DCAF8L2: variants seen among roughly 807,000 people sequenced by gnomAD.
DCAF8L2 encodes DDB1- and CUL4-associated factor 8-like protein 2.
For missense variants in DCAF8L2, 430 were observed against 490.7 expected (o/e 0.88, Z 1.17); for synonymous variants, 200 against 190.9 (o/e 1.05, Z -0.39).
intron 1 of DCAF8L2, among the ~76,000 whole-genome samples, chrX:27,615,015 G>A (rs1189215723): frequency 9.0e-6 from 1 of 111,372 alleles, no homozygotes; most frequent in East Asian, 2.8e-4. Flanking sequence ...TCTGTAGCAA[G>A]TCTAAGTTAT....
chrX:27,673,365 G>T (rs769128201), intron 2 of DCAF8L2, among the ~76,000 whole-genome samples: 1 of 107,463 alleles, frequency 9.3e-6, no homozygotes, highest in Non-Finnish European at 1.9e-5. Flanking sequence ...AAAATTAGCC[G>T]GGCGTGGTGG....
chrX:27,651,240 A>G (rs908289270), intron 2 of DCAF8L2, among the ~76,000 whole-genome samples: 2 of 111,101 alleles, frequency 1.8e-5, no homozygotes, highest in Non-Finnish European at 3.8e-5. Flanking sequence ...CATCAGGGCT[A>G]TTGGCCTGTA....
chrX:27,584,528 G>A, the DCAF8L2 span, among the ~76,000 whole-genome samples: 4 of 109,354 alleles, frequency 3.7e-5, no homozygotes, highest in African/African-American at 1.3e-4. Context: ...TATCTCATAT[G>A]CCTCTCCAAT....
chrX:27,504,960 G>A, the DCAF8L2 span, among the ~76,000 whole-genome samples: 1 of 110,963 alleles, frequency 9.0e-6, no homozygotes, highest in African/African-American at 3.3e-5. Flanking sequence ...ATGATTTTTA[G>A]CATCTTTGTT....
chrX:27,711,951 T>A (rs1008560942), intron 3 of DCAF8L2, among the ~76,000 whole-genome samples: 4 of 111,467 alleles, frequency 3.6e-5, no homozygotes, highest in African/African-American at 1.3e-4. Flanking sequence ...AAGGGACTTC[T>A]CTGTTCATCT....
At chrX:27,538,782 A>G in the DCAF8L2 span, among the ~76,000 whole-genome samples, 1 of 111,571 alleles carries the variant, frequency 9.0e-6, no homozygotes, top group African/African-American at 3.3e-5. Context: ...TGATAAAAGT[A>G]CTTTCTCAAT....
the DCAF8L2 span, among the ~76,000 whole-genome samples, chrX:27,528,020 ATT>A: frequency 7.3e-4 from 30 of 41,084 alleles, no homozygotes; most frequent in Admixed American, 1.3e-3. Context: ...AATTTAATTA[ATT>A]ATTAAATTAA....
intron 2 of DCAF8L2, among the ~76,000 whole-genome samples, chrX:27,657,882 T>C (rs6630535): frequency 0.18 from 19,776 of 111,536 alleles, 1,404 homozygotes; most frequent in East Asian, 0.42. Flanking sequence ...CCCCCGGATG[T>C]AGTTTTGTAA....
At chrX:27,588,364 T>C (rs1002237928), upstream of DCAF8L2, among the ~76,000 whole-genome samples, 1 of 111,093 alleles carries the variant, frequency 9.0e-6, no homozygotes, top group African/African-American at 3.3e-5. Flanking sequence ...TATTTCATGG[T>C]GTGTACGTAC....
the DCAF8L2 span, among the ~76,000 whole-genome samples, chrX:27,521,318 T>C: frequency 8.9e-6 from 1 of 112,359 alleles, no homozygotes; most frequent in Non-Finnish European, 1.9e-5. Flanking sequence ...AAAACTCTTC[T>C]GTGTCTGTTA....
At chrX:27,640,041 C>A (rs964939236) in intron 2 of DCAF8L2, among the ~76,000 whole-genome samples, 1 of 111,741 alleles carries the variant, frequency 8.9e-6, no homozygotes, top group Non-Finnish European at 1.9e-5. Context: ...CACCCATTAA[C>A]TGGTCATTTA....
intron 1 of DCAF8L2, among the ~76,000 whole-genome samples, chrX:27,599,435 A>G (rs1926532782): frequency 1.8e-5 from 2 of 111,728 alleles, no homozygotes. Flanking sequence ...AATAAATTCT[A>G]GAGATCTGCT....
chrX:27,655,163 T>G (rs1929306129), intron 2 of DCAF8L2, among the ~76,000 whole-genome samples: 1 of 111,857 alleles, frequency 8.9e-6, no homozygotes, highest in Non-Finnish European at 1.9e-5. Context: ...AAACTCTTTG[T>G]ACAGTGCTCA....
chrX:27,479,280 G>A, the DCAF8L2 span, among the ~76,000 whole-genome samples: 2 of 111,109 alleles, frequency 1.8e-5, no homozygotes, highest in African/African-American at 6.5e-5. Flanking sequence ...GAGCATGATG[G>A]CAGATCCTCC....
chrX:27,638,325 T>A (rs1928580358), intron 2 of DCAF8L2, among the ~76,000 whole-genome samples: 1 of 111,734 alleles, frequency 8.9e-6, no homozygotes, highest in African/African-American at 3.3e-5. Context: ...AGAGCAACAT[T>A]TTCATTGCTG....
chrX:27,708,588 T>C (rs775162499), intron 3 of DCAF8L2, among the ~76,000 whole-genome samples: 7 of 112,420 alleles, frequency 6.2e-5, no homozygotes, highest in Non-Finnish European at 1.3e-4. Context: ...ATGGTTTATA[T>C]ATATGCAATC....
the DCAF8L2 span, among the ~76,000 whole-genome samples, chrX:27,576,245 A>T: frequency 8.9e-6 from 1 of 112,058 alleles, no homozygotes; most frequent in East Asian, 2.8e-4. Flanking sequence ...GCTATTAGTA[A>T]TTCCAGGTAC....
At chrX:27,555,461 G>C in the DCAF8L2 span, among the ~76,000 whole-genome samples, 1 of 111,757 alleles carries the variant, frequency 8.9e-6, no homozygotes, top group African/African-American at 3.3e-5. Flanking sequence ...TGTTGGTTGG[G>C]ATCAAGGCAA....
intron 2 of DCAF8L2, among the ~76,000 whole-genome samples, chrX:27,645,166 C>G (rs1208393777): frequency 8.9e-6 from 1 of 111,921 alleles, no homozygotes; most frequent in African/African-American, 3.2e-5. Flanking sequence ...ATGGAAAAAT[C>G]CTCAATAAAA....
Sources: allele counts gnomAD v4.1 joint callset (sites outside exome capture counted in the v4.1 genomes callset), GRCh38; gene constraint gnomAD v4.1.1; transcripts MANE v1.5; gene names NCBI Gene and HGNC (gene_info 2026-07-23, HGNC 2026-07-21).